Variants in RPS6KC1 observed in about 807,000 individuals in gnomAD.
RPS6KC1 encodes inactive ribosomal protein S6 kinase delta-1.
RPS6KC1 carries 54 observed loss-of-function variants against 103.8 expected under a neutral mutation model. That is an observed-to-expected ratio of 0.52 (90% confidence interval 0.42 to 0.65). The LOEUF is 0.65. RPS6KC1 is among the 30% of genes least tolerant of loss of function. The probability of loss-of-function intolerance (pLI) is 0.00; values close to 1 mark genes in which losing one functional copy is unlikely to be tolerated. For missense variants in RPS6KC1, 1,151 were observed against 1,253.8 expected (o/e 0.92, Z 1.24); for synonymous variants, 439 against 438.7 (o/e 1.00, Z -0.01).
chr1:213,694,307 C>T, the RPS6KC1 span, among the ~76,000 whole-genome samples: 2 of 152,174 alleles, frequency 1.3e-5, no homozygotes, highest in Non-Finnish European at 2.9e-5. Flanking sequence ...AAAGCACATT[C>T]CTTAGCAAAG....
the RPS6KC1 span, among the ~76,000 whole-genome samples, chr1:213,531,825 A>G: frequency 6.6e-6 from 1 of 152,118 alleles, no homozygotes; most frequent in Non-Finnish European, 1.5e-5. Context: ...CCTTTCCTTG[A>G]GTGGGCACAG....
chr1:213,174,670 CA>C (rs370278907), intron 7 of RPS6KC1, among the ~76,000 whole-genome samples: 1,700 of 43,392 alleles, frequency 0.039, 9 homozygotes, highest in East Asian at 0.16. Context: ...AACTCCATCT[CA>C]AAAAAAAAAA....
At chr1:213,495,463 A>G in the RPS6KC1 span, among the ~76,000 whole-genome samples, 1 of 152,178 alleles carries the variant, frequency 6.6e-6, no homozygotes, top group Non-Finnish European at 1.5e-5. Flanking sequence ...CTGGGATTAC[A>G]GGTGCATGCC....
chr1:213,337,281 A>T, the RPS6KC1 span, among the ~76,000 whole-genome samples: 1 of 152,234 alleles, frequency 6.6e-6, no homozygotes, highest in Non-Finnish European at 1.5e-5. Context: ...TTATTTCAGC[A>T]GCATCTGCAG....
the RPS6KC1 span, among the ~76,000 whole-genome samples, chr1:213,544,018 C>T: frequency 1.3e-5 from 2 of 151,932 alleles, no homozygotes; most frequent in Non-Finnish European, 2.9e-5. Flanking sequence ...TCCAACAAAA[C>T]ATCAATGCAC....
chr1:213,238,752 A>G (rs973258730), intron 10 of RPS6KC1, among the ~76,000 whole-genome samples: 5 of 152,210 alleles, frequency 3.3e-5, no homozygotes, highest in African/African-American at 9.6e-5. Flanking sequence ...TGGATTGCTT[A>G]TACGGTACAT....
intron 4 of RPS6KC1, among the ~76,000 whole-genome samples, chr1:213,112,923 C>T (rs1374003680): frequency 6.6e-6 from 1 of 152,178 alleles, no homozygotes; most frequent in East Asian, 1.9e-4. Flanking sequence ...CATAGTATTC[C>T]ATGGTGTATA....
At chr1:213,056,906 G>T (rs973033873) in intron 1 of RPS6KC1, among the ~76,000 whole-genome samples, 1 of 143,324 alleles carries the variant, frequency 7.0e-6, no homozygotes, top group African/African-American at 2.6e-5. Context: ...TATCTCCTCC[G>T]TTATCATAAT....
At chr1:213,507,652 C>T in the RPS6KC1 span, among the ~76,000 whole-genome samples, 2 of 151,714 alleles carry the variant, frequency 1.3e-5, no homozygotes, top group Admixed American at 6.6e-5. Flanking sequence ...TGCGGGCCTC[C>T]GGAATGGTTC....
chr1:213,599,621 T>G, the RPS6KC1 span, among the ~76,000 whole-genome samples: 1 of 152,250 alleles, frequency 6.6e-6, no homozygotes. Context: ...TTTGTCTTAT[T>G]ATTGCCATCT....
the RPS6KC1 span, among the ~76,000 whole-genome samples, chr1:213,329,301 T>A: frequency 6.6e-6 from 1 of 151,778 alleles, no homozygotes; most frequent in Non-Finnish European, 1.5e-5. Flanking sequence ...TTATTGGGAG[T>A]GGGAAGTGGA....
At chr1:213,394,723 C>T in the RPS6KC1 span, among the ~76,000 whole-genome samples, 4 of 152,136 alleles carry the variant, frequency 2.6e-5, no homozygotes, top group African/African-American at 7.2e-5. Flanking sequence ...TTGGGGTGTT[C>T]GTGGGTGCTT....
the RPS6KC1 span, among the ~76,000 whole-genome samples, chr1:213,563,109 T>A: frequency 6.6e-6 from 1 of 152,220 alleles, no homozygotes; most frequent in East Asian, 1.9e-4. Context: ...CAATTTCTCT[T>A]TGAAAGTCTA....
the RPS6KC1 span, among the ~76,000 whole-genome samples, chr1:213,430,313 G>T: frequency 1.1e-3 from 160 of 152,292 alleles, no homozygotes; most frequent in African/African-American, 3.6e-3. Context: ...ACAGAGCTGA[G>T]AAAATGAGAT....
At chr1:213,675,089 G>T in the RPS6KC1 span, among the ~76,000 whole-genome samples, 1 of 152,328 alleles carries the variant, frequency 6.6e-6, no homozygotes, top group East Asian at 1.9e-4. Context: ...TCTGCAGGTT[G>T]TCTGTCTACT....
intron 6 of RPS6KC1, among the ~76,000 whole-genome samples, chr1:213,147,116 G>A (rs1259753660): frequency 6.6e-6 from 1 of 152,028 alleles, no homozygotes; most frequent in Non-Finnish European, 1.5e-5. Context: ...TGGGTAGTTT[G>A]TAAATATTTC....
the RPS6KC1 span, among the ~76,000 whole-genome samples, chr1:213,329,862 C>CA: frequency 1.3e-5 from 2 of 152,112 alleles, no homozygotes; most frequent in Non-Finnish European, 2.9e-5. Context: ...ACACAGGCGA[C>CA]AAAATCTCCT....
Position 213,273,725 on chromosome 1 carries a change from C to T in RPS6KC1, c.*1091C>T, listed in dbSNP as rs939307724. ...GTGATTTAGAAAGAATGTAAGTATT[C>T]ACACATCTCCAAACATTTGTATTTG... On this transcript the variant is annotated 3_prime_UTR_variant, in exon 15 of 15. Coordinates refer to ENST00000366960, the MANE Select transcript of RPS6KC1 (RefSeq NM_012424.6). 6.6e-6 allele frequency: 1 copy of T among 152,204 alleles called. No homozygotes were observed. Among genetic ancestry groups the T allele is most frequent in the Non-Finnish European group, 1.5e-5 (1 of 68,028 alleles). The allele number at this position is 152,204 out of a possible 1,614,324, so 9.4% of individuals were successfully genotyped here.
chr1:213,453,073 C>T, the RPS6KC1 span, among the ~76,000 whole-genome samples: 3,670 of 152,010 alleles, frequency 0.024, 60 homozygotes, highest in Middle Eastern at 0.041. Flanking sequence ...GAGCTGGCTG[C>T]CCTCCCATCA....
Sources: allele counts gnomAD v4.1 joint callset (sites outside exome capture counted in the v4.1 genomes callset), GRCh38; gene constraint gnomAD v4.1.1; transcripts MANE v1.5; gene names NCBI Gene and HGNC (gene_info 2026-07-23, HGNC 2026-07-21).